The following MDGA2 variants were observed in gnomAD, a reference collection of about 807,000 sequenced individuals.
MDGA2 encodes the protein MAM domain containing glycosylphosphatidylinositol anchor 2.
MDGA2 carries 40 observed loss-of-function variants against 117.8 expected under a neutral mutation model. The observed-to-expected ratio is 0.34, with a 90% CI of 0.26 to 0.44. The LOEUF (loss-of-function observed/expected upper bound fraction) is 0.44, where lower values mean the gene tolerates loss of function less well. Ranked by LOEUF, MDGA2 falls within the 20% of genes least tolerant of loss-of-function variation. The probability of loss-of-function intolerance (pLI) is 1.00; values close to 1 mark genes in which losing one functional copy is unlikely to be tolerated. For missense variants in MDGA2, 1,123 were observed against 1,250.6 expected, an observed-to-expected ratio of 0.90 and a Z score of 1.54; for synonymous variants, 452 against 439.0, an observed-to-expected ratio of 1.03 and a Z score of -0.37.
At chr14:47,171,279 T>A (rs904400040) in intron 3 of MDGA2, among the ~76,000 whole-genome samples, 1 of 151,642 alleles carries the variant, frequency 6.6e-6, no homozygotes, top group Non-Finnish European at 1.5e-5. Context: ...ATACAAACTA[T>A]TTTTTTTGCT....
chr14:47,293,842 T>G (rs1888971160), intron 2 of MDGA2, among the ~76,000 whole-genome samples: 1 of 152,176 alleles, frequency 6.6e-6, no homozygotes, highest in African/African-American at 2.4e-5. Context: ...GCTGATACAC[T>G]GAGAGTAAAA....
intron 1 of MDGA2, chr14:47,343,154 G>A: frequency 6.1e-6 from 7 of 1,156,502 alleles, no homozygotes; most frequent in African/African-American, 1.6e-5. Flanking sequence ...GTTACTTTGA[G>A]GACTAATTTC....
intron 1 of MDGA2, among the ~76,000 whole-genome samples, chr14:47,639,672 A>T (rs1374676536): frequency 6.6e-6 from 1 of 152,114 alleles, no homozygotes; most frequent in Non-Finnish European, 1.5e-5. Context: ...TTCATATTGT[A>T]TACTGTTCTA....
chr14:46,865,573 T>C (rs1881720571), intron 14 of MDGA2, among the ~76,000 whole-genome samples: 1 of 152,086 alleles, frequency 6.6e-6, no homozygotes, highest in African/African-American at 2.4e-5. Flanking sequence ...ATAAAGGGTA[T>C]TCAATTAGGA....
chr14:46,942,792 T>A (rs949266046), intron 9 of MDGA2, among the ~76,000 whole-genome samples: 1 of 152,142 alleles, frequency 6.6e-6, no homozygotes, highest in African/African-American at 2.4e-5. Context: ...AAGTTGTTCA[T>A]CTGTTGATGG....
intron 8 of MDGA2, among the ~76,000 whole-genome samples, chr14:47,009,041 T>C (rs543156691): frequency 6.6e-6 from 1 of 152,148 alleles, no homozygotes; most frequent in South Asian, 2.1e-4. Flanking sequence ...TGTGTATTTG[T>C]TCCTAGTGAG....
intron 1 of MDGA2, among the ~76,000 whole-genome samples, chr14:47,429,501 T>C (rs1414239454): frequency 6.6e-6 from 1 of 152,108 alleles, no homozygotes; most frequent in Non-Finnish European, 1.5e-5. Context: ...TCTCATAGCA[T>C]TCTGTTCTGG....
In MDGA2 at chr14:47,139,094, A is replaced by G. The variant is rs1304754150; in HGVS notation, c.792+4984T>C. 2.0e-5 allele frequency among the ~76,000 whole-genome samples: 3 copies of G among 152,234 alleles called. No individual in the cohort carries two copies. The South Asian group carries it at 6.2e-4, about 32-fold the overall frequency. ...CATCTTAGAAATTCTATTTTATTAA[A>G]AACAAGACATTATTATTAAATAACA... On this transcript the variant is annotated intron_variant, in intron 4 of 16. Transcript: ENST00000399232.
intron 1 of MDGA2, among the ~76,000 whole-genome samples, chr14:47,443,829 G>C (rs1765198195): frequency 6.6e-6 from 1 of 152,138 alleles, no homozygotes; most frequent in African/African-American, 2.4e-5. Context: ...GCATCCATAA[G>C]AGAGAGGGTC....
At chr14:47,078,440 T>A (rs1402319537) in intron 6 of MDGA2, among the ~76,000 whole-genome samples, 1 of 152,010 alleles carries the variant, frequency 6.6e-6, no homozygotes, top group Non-Finnish European at 1.5e-5. Context: ...CAGCCTCCCA[T>A]AAAAAACATG....
intron 10 of MDGA2, among the ~76,000 whole-genome samples, chr14:46,914,521 C>T (rs1381108883): frequency 6.6e-6 from 1 of 151,894 alleles, no homozygotes; most frequent in Admixed American, 6.6e-5. Context: ...GACAACTTTC[C>T]TAATCAAATT....
intron 8 of MDGA2, among the ~76,000 whole-genome samples, chr14:46,987,581 G>A (rs1162084050): frequency 6.6e-6 from 1 of 151,980 alleles, no homozygotes; most frequent in Non-Finnish European, 1.5e-5. Context: ...TTACCTTGGT[G>A]ATACGAAAAT....
At chr14:47,225,969 G>T (rs1886480120) in intron 2 of MDGA2, among the ~76,000 whole-genome samples, 1 of 151,850 alleles carries the variant, frequency 6.6e-6, no homozygotes, top group Non-Finnish European at 1.5e-5. Context: ...GATATATGCA[G>T]ATAAGAAGCT....
At chr14:46,982,245 C>T (rs1445300207) in intron 8 of MDGA2, among the ~76,000 whole-genome samples, 1 of 152,088 alleles carries the variant, frequency 6.6e-6, no homozygotes, top group Non-Finnish European at 1.5e-5. Flanking sequence ...TATAATTTAT[C>T]TTCCAAACTG....
At chr14:47,109,029 T>C (rs1880893439) in intron 5 of MDGA2, among the ~76,000 whole-genome samples, 1 of 152,202 alleles carries the variant, frequency 6.6e-6, no homozygotes, top group Non-Finnish European at 1.5e-5. Context: ...GGTGAGGTCC[T>C]GGCAAACTTG....
At chr14:47,052,867 TC>T (rs1385336693) in intron 7 of MDGA2, among the ~76,000 whole-genome samples, 1 of 151,848 alleles carries the variant, frequency 6.6e-6, no homozygotes, top group Non-Finnish European at 1.5e-5. Flanking sequence ...ATCTTGACCT[TC>T]CCATTTTCCC....
chr14:47,406,026 T>C (rs1892253166), intron 1 of MDGA2, among the ~76,000 whole-genome samples: 1 of 152,114 alleles, frequency 6.6e-6, no homozygotes, highest in Non-Finnish European at 1.5e-5. Context: ...ACCTAGGTAA[T>C]GGTCCAGAGA....
At chr14:47,288,410 C>T (rs1360111938) in intron 2 of MDGA2, among the ~76,000 whole-genome samples, 3 of 152,066 alleles carry the variant, frequency 2.0e-5, no homozygotes, top group Admixed American at 6.6e-5. Context: ...AAAAAATTCA[C>T]GTCAATTTGA....
At chr14:47,307,994 C>T (rs910752431) in intron 1 of MDGA2, among the ~76,000 whole-genome samples, 2 of 152,082 alleles carry the variant, frequency 1.3e-5, no homozygotes, top group East Asian at 3.9e-4. Flanking sequence ...AAATGAGGTG[C>T]TTTAGAAGTT....
Sources: gnomAD v4.1 joint callset for allele counts (sites outside exome capture counted in the v4.1 genomes callset) on GRCh38, gnomAD v4.1.1 for gene constraint, MANE v1.5 for transcripts, NCBI Gene and HGNC (gene_info 2026-07-23, HGNC 2026-07-21) for gene names.